The following GFRA2 variants were observed in gnomAD, a reference collection of about 807,000 sequenced individuals.
GFRA2 encodes the protein GDNF family receptor alpha 2, also known as GDNF family receptor alpha-2.
A neutral mutation model predicts 48.3 loss-of-function variants in GFRA2; 17 were observed. That is an observed-to-expected ratio of 0.35 (90% CI 0.24 to 0.53). The LOEUF (loss-of-function observed/expected upper bound fraction) is 0.53, where lower values mean the gene tolerates loss of function less well. GFRA2 is among the 20% of genes least tolerant of loss of function. The pLI, the probability that GFRA2 is intolerant of heterozygous loss-of-function variation, is 0.93. For missense variants in GFRA2, 660 were observed against 637.3 expected (o/e 1.04, Z -0.38); for synonymous variants, 305 against 257.2 (o/e 1.19, Z -1.78).
At chr8:21,780,244 T>A (rs1008528035) in intron 2 of GFRA2, among the ~76,000 whole-genome samples, 1 of 152,096 alleles carries the variant, frequency 6.6e-6, no homozygotes, top group East Asian at 1.9e-4. Context: ...CGATGGCCGA[T>A]GGCCGGCACG....
intron 4 of GFRA2, among the ~76,000 whole-genome samples, chr8:21,710,936 A>C (rs1393011185): frequency 6.6e-6 from 1 of 152,150 alleles, no homozygotes; most frequent in East Asian, 1.9e-4. Context: ...TTGATTGCTA[A>C]AGTTTCTCTC....
chr8:21,743,388 T>C (rs1804848760), intron 4 of GFRA2, among the ~76,000 whole-genome samples: 1 of 152,212 alleles, frequency 6.6e-6, no homozygotes, highest in Non-Finnish European at 1.5e-5. Flanking sequence ...TGCTCTGCAA[T>C]GCCAGCAGGG....
At chr8:21,711,060 C>T (rs1802997884) in intron 4 of GFRA2, among the ~76,000 whole-genome samples, 1 of 152,304 alleles carries the variant, frequency 6.6e-6, no homozygotes, top group African/African-American at 2.4e-5. Flanking sequence ...AGCCATGACC[C>T]CTCGCCCCAG....
chr8:21,798,317 A>G (rs1278910068), intron 2 of GFRA2, among the ~76,000 whole-genome samples: 2 of 152,194 alleles, frequency 1.3e-5, no homozygotes, highest in Admixed American at 6.5e-5. Context: ...CGCAATGCCC[A>G]TGGTCAGCCC....
chr8:21,788,499 G>T lies in GFRA2; in HGVS notation c.-340C>A. On this transcript the variant is annotated 5_prime_UTR_variant, in exon 1 of 9. Transcript: ENST00000524240. ...CGTCCGGGAAGGCGTGAGTCCCCGC[G>T]GGTCCAATTCCCCTGCGCTTCCCAG... 1 of 1,074,762 alleles carries T rather than the reference G, an allele frequency of 9.3e-7. No individual in the cohort carries two copies. Among genetic ancestry groups the T allele is most frequent in the East Asian group, 6.4e-5 (1 of 15,678 alleles). The allele number at this position is 1,074,762 out of a possible 1,614,324, so 66.6% of individuals were successfully genotyped here. A position where few individuals can be genotyped will look rare whatever the true frequency, so the allele number is the denominator to read the frequency against.
intron 3 of GFRA2, among the ~76,000 whole-genome samples, chr8:21,770,927 G>A (rs1806407277): frequency 6.6e-6 from 1 of 152,156 alleles, no homozygotes; most frequent in Admixed American, 6.5e-5. Context: ...GGTGAAACCA[G>A]CTGGGATTCG....
At chr8:21,703,542 C>A (rs552165475) in intron 6 of GFRA2, among the ~76,000 whole-genome samples, 4 of 152,330 alleles carry the variant, frequency 2.6e-5, no homozygotes, top group African/African-American at 9.6e-5. Context: ...ACGAGCCACA[C>A]ACATCTCAAA....
intron 4 of GFRA2, among the ~76,000 whole-genome samples, chr8:21,739,371 C>T (rs1804639761): frequency 6.6e-6 from 1 of 152,176 alleles, no homozygotes; most frequent in African/African-American, 2.4e-5. Context: ...GAACTCACTA[C>T]CTAACAAAGC....
At chr8:21,759,258 C>T (rs1805752165) in intron 3 of GFRA2, among the ~76,000 whole-genome samples, 1 of 151,812 alleles carries the variant, frequency 6.6e-6, no homozygotes, top group Non-Finnish European at 1.5e-5. Context: ...TGGTGGCGTG[C>T]ACCTGTAATC....
At chr8:21,779,281 T>C (rs1806856961) in intron 2 of GFRA2, among the ~76,000 whole-genome samples, 1 of 152,200 alleles carries the variant, frequency 6.6e-6, no homozygotes, top group African/African-American at 2.4e-5. Context: ...CACAGCAGCA[T>C]GCAGCTAAAC....
intron 4 of GFRA2, among the ~76,000 whole-genome samples, chr8:21,747,734 G>C (rs1304194300): frequency 6.7e-6 from 1 of 148,944 alleles, no homozygotes; most frequent in Non-Finnish European, 1.5e-5. Flanking sequence ...GCCAGGCCGG[G>C]CCCACTGCGG....
chr8:21,707,010 CA>C (rs1318768897), intron 4 of GFRA2, among the ~76,000 whole-genome samples: 2 of 152,234 alleles, frequency 1.3e-5, no homozygotes, highest in East Asian at 1.9e-4. Context: ...AAGTGACAAT[CA>C]TCACCTTCTA....
chr8:21,812,213 T>C (rs1287286702), intron 1 of GFRA2: 1 of 152,284 alleles, frequency 6.6e-6, no homozygotes, highest in Non-Finnish European at 1.5e-5. Context: ...CTCACTTGGA[T>C]GCAGACAACT....
intron 2 of GFRA2, among the ~76,000 whole-genome samples, chr8:21,782,135 TCAGCCTGCACC>T (rs1807022943): frequency 6.6e-6 from 1 of 152,098 alleles, no homozygotes; most frequent in Non-Finnish European, 1.5e-5. Context: ...GGCTGGTTTC[TCAGCCTGCACC>T]CAGCCTGCCC....
At chr8:21,739,599 G>A (rs890995819) in intron 4 of GFRA2, among the ~76,000 whole-genome samples, 2 of 152,198 alleles carry the variant, frequency 1.3e-5, no homozygotes, top group Non-Finnish European at 2.9e-5. Flanking sequence ...GCTGAGAGCT[G>A]GATCCAGGAC....
At chr8:21,740,439 G>A (rs1052546023) in intron 4 of GFRA2, among the ~76,000 whole-genome samples, 10 of 152,048 alleles carry the variant, frequency 6.6e-5, no homozygotes, top group Non-Finnish European at 1.2e-4. Context: ...AGTCACCAAG[G>A]CCCTCCACGT....
Position 21,758,676 on chromosome 8 carries a change from C to T in GFRA2, c.440-7734G>A, listed in dbSNP as rs558573072. On this transcript the variant is annotated intron_variant, in intron 3 of 8. Coordinates refer to ENST00000524240, the MANE Select transcript of GFRA2 (RefSeq NM_001495.5). ...TCTCATTTCTTTACCTGAATGATGA[C>T]GGGTTTTGAACTGCCTAATCCCTTA... Among the ~76,000 whole-genome samples, 18 of 152,268 alleles carry T rather than the reference C, an allele frequency of 1.2e-4. No homozygotes were observed. In the South Asian group the frequency reaches 2.3e-3, roughly 19 times the overall value.
At chr8:21,748,590 T>A (rs1440938066) in intron 4 of GFRA2, among the ~76,000 whole-genome samples, 1 of 152,148 alleles carries the variant, frequency 6.6e-6, no homozygotes, top group Non-Finnish European at 1.5e-5. Context: ...AAAGAAGCAG[T>A]TTAGCTGGAA....
At chr8:21,744,586 C>CACACACAT (rs545980880) in intron 4 of GFRA2, among the ~76,000 whole-genome samples, 1 of 144,580 alleles carries the variant, frequency 6.9e-6, no homozygotes, top group South Asian at 2.3e-4. Flanking sequence ...CACACACACA[C>CACACACAT]AATCTGAGCC....
Sources: allele counts gnomAD v4.1 joint callset (sites outside exome capture counted in the v4.1 genomes callset), GRCh38; gene constraint gnomAD v4.1.1; transcripts MANE v1.5; gene names NCBI Gene and HGNC (gene_info 2026-07-23, HGNC 2026-07-21).